Variants in ELOVL6 observed in about 807,000 individuals in gnomAD.
The protein encoded by ELOVL6 is very long chain fatty acid elongase 6.
ELOVL6 carries 8 observed loss-of-function variants against 31.7 expected under a neutral mutation model. The ratio of observed to expected loss-of-function variants is 0.25; its 90% CI spans 0.15 to 0.45. The LOEUF (loss-of-function observed/expected upper bound fraction) is 0.45, where lower values mean the gene tolerates loss of function less well. Among genes scored for constraint, ELOVL6 ranks in the 20% least tolerant of loss-of-function variants. The pLI is 1.00. For missense variants in ELOVL6, 126 were observed against 326.4 expected (o/e 0.39, Z 4.73); for synonymous variants, 101 against 117.7 (o/e 0.86, Z 0.92).
At chr4:110,107,040 T>C (rs1756909812) in intron 1 of ELOVL6, among the ~76,000 whole-genome samples, 1 of 152,188 alleles carries the variant, frequency 6.6e-6, no homozygotes. Context: ...AGAAATAAGT[T>C]ACAAAACATA....
chr4:110,067,732 A>G (rs1413974374), intron 2 of ELOVL6, among the ~76,000 whole-genome samples: 2 of 152,224 alleles, frequency 1.3e-5, no homozygotes, highest in South Asian at 2.1e-4. Context: ...GACAATATCT[A>G]TGGTATGATC....
chr4:110,100,418 C>A (rs1471744072), intron 2 of ELOVL6, among the ~76,000 whole-genome samples: 1 of 152,138 alleles, frequency 6.6e-6, no homozygotes, highest in Admixed American at 6.5e-5. Context: ...AAACTGCAGG[C>A]AATTCTTGCA....
rs942719859 is a variant in ELOVL6, at chr4:110,109,466, A to C, written c.90-3838T>G. On this transcript the variant is annotated intron_variant, in intron 1 of 3. Coordinates refer to ENST00000302274, the MANE Select transcript of ELOVL6 (RefSeq NM_024090.3). Reference sequence around the variant, plus strand: ...TTCTATTTCTGTCATCAAGATGAACAATGGAAATTATTCCATAATTAATAA... The same window carrying C: ...TTCTATTTCTGTCATCAAGATGAACCATGGAAATTATTCCATAATTAATAA... Among the ~76,000 whole-genome samples, 13 of 152,186 alleles carry C rather than the reference A, an allele frequency of 8.5e-5. 1 individual carries two copies. In the East Asian group the frequency reaches 2.5e-3, roughly 29 times the overall value.
intron 3 of ELOVL6, among the ~76,000 whole-genome samples, chr4:110,058,652 C>G (rs1228401573): frequency 6.6e-6 from 1 of 152,136 alleles, no homozygotes; most frequent in Non-Finnish European, 1.5e-5. Flanking sequence ...TTAGGAGAAA[C>G]AGGAGAGGGG....
intron 1 of ELOVL6, among the ~76,000 whole-genome samples, chr4:110,111,380 T>C (rs950758072): frequency 8.1e-5 from 12 of 149,048 alleles, no homozygotes; most frequent in African/African-American, 3.0e-4. Context: ...CAGTAGCTGA[T>C]GAAAATGTTG....
chr4:110,120,352 G>GT (rs1757309097), intron 1 of ELOVL6, among the ~76,000 whole-genome samples: 1 of 51,042 alleles, frequency 2.0e-5, no homozygotes, highest in Admixed American at 2.2e-4. Flanking sequence ...AAATAAAAAA[G>GT]TAAAAAAAAA....
chr4:110,085,807 A>C (rs1369705562), intron 2 of ELOVL6, among the ~76,000 whole-genome samples: 3 of 152,084 alleles, frequency 2.0e-5, no homozygotes, highest in Admixed American at 2.0e-4. Context: ...TCAACCTTCC[A>C]GTTTCAAGTG....
chr4:110,177,137 T>C (rs1198844284), intron 1 of ELOVL6, among the ~76,000 whole-genome samples: 4 of 152,166 alleles, frequency 2.6e-5, no homozygotes, highest in African/African-American at 7.2e-5. Flanking sequence ...GGCATGAAAT[T>C]ATAGCAATAA....
At chr4:110,079,433 A>G (rs756801768) in intron 2 of ELOVL6, among the ~76,000 whole-genome samples, 7 of 152,254 alleles carry the variant, frequency 4.6e-5, no homozygotes, top group Non-Finnish European at 8.8e-5. Flanking sequence ...AGGATTAAGA[A>G]ACTCACTCAA....
At position 110,051,858 on chromosome 4, in the gene ELOVL6, T is replaced by A; in HGVS notation, c.374-96A>T. Reference sequence around the variant, plus strand: ...GAGGGTAGACATCCTGAGCTAGGACTGGAGAGTTACATAGACTGGATTAGA... The same window carrying A: ...GAGGGTAGACATCCTGAGCTAGGACAGGAGAGTTACATAGACTGGATTAGA... On this transcript the variant is annotated intron_variant, in intron 3 of 3. Coordinates refer to ENST00000302274, the MANE Select transcript of ELOVL6 (RefSeq NM_024090.3). This position sits in a 1 kb window ranked among gnomAD's most constrained non-coding sequence, Gnocchi z 4.8. The A allele has an allele frequency of 9.6e-7, 1 of 1,042,106 alleles. No homozygotes were observed. Among genetic ancestry groups the A allele is most frequent in the Non-Finnish European group, 1.4e-6 (1 of 706,502 alleles). 64.6% of individuals were successfully genotyped at this position (1,042,106 alleles called of 1,614,324 possible). A position where few individuals can be genotyped will look rare whatever the true frequency, so the allele number is the denominator to read the frequency against.
At chr4:110,134,576 T>C (rs1048051026) in intron 1 of ELOVL6, among the ~76,000 whole-genome samples, 7 of 152,064 alleles carry the variant, frequency 4.6e-5, no homozygotes, top group Non-Finnish European at 8.8e-5. Context: ...AAATAAAACA[T>C]TACAGAATGA....
At chr4:110,115,134 C>T (rs1337721542) in intron 1 of ELOVL6, among the ~76,000 whole-genome samples, 1 of 152,036 alleles carries the variant, frequency 6.6e-6, no homozygotes, top group Non-Finnish European at 1.5e-5. Context: ...AATAAATATA[C>T]TCCTGTCACT....
chr4:110,196,881 C>T (rs1194210536), intron 1 of ELOVL6, among the ~76,000 whole-genome samples: 1 of 152,102 alleles, frequency 6.6e-6, no homozygotes, highest in Non-Finnish European at 1.5e-5. Context: ...GCGCTCCGGC[C>T]GGGCGGGAGG....
chr4:110,188,821 G>A (rs2126280957), intron 1 of ELOVL6, among the ~76,000 whole-genome samples: 1 of 151,326 alleles, frequency 6.6e-6, no homozygotes, highest in Non-Finnish European at 1.5e-5. Flanking sequence ...AACCTGGGAG[G>A]CAGAGGTTGC....
In ELOVL6 at chr4:110,198,506, C is replaced by G. The variant is rs920981487; in HGVS notation, c.-171G>C. ...CTTCTCCCAGCCTCTCAGCTACATC[C>G]AGGGCTGAGCATTGCCTGCGCCTCC... is the stretch of plus-strand genomic sequence containing the variant. On this transcript the variant is annotated 5_prime_UTR_variant, in exon 1 of 4. Transcript: ENST00000302274. 7 of 569,822 alleles carry G rather than the reference C, an allele frequency of 1.2e-5. No homozygotes were observed. The Admixed American group carries it at 1.3e-4, about 11-fold the overall frequency. 35.3% of individuals were successfully genotyped at this position (569,822 alleles called of 1,614,324 possible).
chr4:110,185,339 G>A (rs946639610), intron 1 of ELOVL6, among the ~76,000 whole-genome samples: 4 of 146,392 alleles, frequency 2.7e-5, no homozygotes, highest in Admixed American at 2.7e-4. Context: ...TGTACAGTAG[G>A]AGCTTTGCAA....
intron 1 of ELOVL6, among the ~76,000 whole-genome samples, chr4:110,157,001 A>C (rs1758447280): frequency 6.6e-6 from 1 of 152,230 alleles, no homozygotes; most frequent in Non-Finnish European, 1.5e-5. Flanking sequence ...TTGATTTGTA[A>C]CAACTGATAG....
intron 2 of ELOVL6, among the ~76,000 whole-genome samples, chr4:110,079,541 A>G (rs1755766165): frequency 6.6e-6 from 1 of 152,070 alleles, no homozygotes; most frequent in Non-Finnish European, 1.5e-5. Flanking sequence ...TTTGAAACCA[A>G]CGAGAACAAA....
chr4:110,054,646 A>G (rs1459807573), intron 3 of ELOVL6, among the ~76,000 whole-genome samples: 1 of 152,210 alleles, frequency 6.6e-6, no homozygotes, highest in Non-Finnish European at 1.5e-5. Flanking sequence ...CCCTATCATC[A>G]CTTTTATATT....
Sources: gnomAD v4.1 joint callset for allele counts (sites outside exome capture counted in the v4.1 genomes callset) on GRCh38, gnomAD v4.1.1 for gene constraint, Gnocchi (gnomAD v3.1) non-coding constraint, MANE v1.5 for transcripts, NCBI Gene and HGNC (gene_info 2026-07-23, HGNC 2026-07-21) for gene names.